COL14A1: variants seen among roughly 807,000 people sequenced by gnomAD.
COL14A1 encodes collagen alpha-1(XIV) chain.
A neutral mutation model predicts 230.3 loss-of-function variants in COL14A1; 136 were observed. The ratio of observed to expected loss-of-function variants is 0.59; its 90% CI spans 0.51 to 0.68. The LOEUF (loss-of-function observed/expected upper bound fraction) is 0.68, where lower values mean the gene tolerates loss of function less well. COL14A1 is among the 30% of genes least tolerant of loss of function. The probability of loss-of-function intolerance (pLI) is 0.00; values close to 1 mark genes in which losing one functional copy is unlikely to be tolerated. For synonymous variants in COL14A1, 792 were observed against 784.1 expected, an observed-to-expected ratio of 1.01 and a Z score of -0.17; for missense variants, 1,976 against 2,215.8, an observed-to-expected ratio of 0.89 and a Z score of 2.17.
chr8:120,304,340 G>A (rs1820798819), intron 36 of COL14A1, among the ~76,000 whole-genome samples: 1 of 152,082 alleles, frequency 6.6e-6, no homozygotes, highest in African/African-American at 2.4e-5. Context: ...ATAGTAGGTT[G>A]TTAATTTGAG....
intron 18 of COL14A1, among the ~76,000 whole-genome samples, chr8:120,230,001 C>T (rs963858734): frequency 1.3e-5 from 2 of 152,162 alleles, no homozygotes; most frequent in Non-Finnish European, 2.9e-5. Context: ...CAGCCTCAGC[C>T]CCCCACGTAG....
Position 120,130,868 on chromosome 8 carries a change from CT to C in COL14A1, c.-38+5536del, listed in dbSNP as rs949146257. 2.5e-3 allele frequency among the ~76,000 whole-genome samples: 375 copies of C among 152,098 alleles called. 2 individuals carry two copies. The highest frequency in any genetic ancestry group is 7.6e-3 in the African/African-American group (315 of 41,518). On this transcript the variant is annotated intron_variant, in intron 1 of 47. Coordinates refer to ENST00000297848, the MANE Select transcript of COL14A1 (RefSeq NM_021110.4). ...AAGGTAGTTCTTCAACCCTCACCCC[CT>C]TTTTTTTCCTTCCCTCGCTATTAGT...
At chr8:120,198,383 T>G (rs1302983345) in intron 7 of COL14A1, among the ~76,000 whole-genome samples, 1 of 152,192 alleles carries the variant, frequency 6.6e-6, no homozygotes, top group Non-Finnish European at 1.5e-5. Context: ...ATCCTCTCTT[T>G]TCATAATAAT....
chr8:120,354,323 A>G (rs1200358995), intron 45 of COL14A1, among the ~76,000 whole-genome samples: 1 of 132,898 alleles, frequency 7.5e-6, no homozygotes, highest in East Asian at 2.2e-4. Context: ...GCGCACCAGC[A>G]TGGCACATGT....
At chr8:120,144,688 C>T (rs2130449696) in intron 1 of COL14A1, among the ~76,000 whole-genome samples, 2 of 152,112 alleles carry the variant, frequency 1.3e-5, no homozygotes, top group African/African-American at 4.8e-5. Context: ...ATGCAGTTGT[C>T]AACTTGGAAA....
chr8:120,250,591 T>C, intron 21 of COL14A1, 26 bp from the exon 22 acceptor site: 5 of 1,612,692 alleles, frequency 3.1e-6, no homozygotes, highest in Non-Finnish European at 4.2e-6. Context: ...TTGTTGTAAC[T>C]AAAATATATC....
chr8:120,232,925 C>G (rs527292400), intron 19 of COL14A1, among the ~76,000 whole-genome samples: 1 of 152,328 alleles, frequency 6.6e-6, no homozygotes, highest in East Asian at 1.9e-4. Context: ...TCTCTAGCAT[C>G]TGTTGTTTCC....
chr8:120,322,156 A>G (rs1433588583), intron 40 of COL14A1, among the ~76,000 whole-genome samples: 1 of 151,874 alleles, frequency 6.6e-6, no homozygotes, highest in Non-Finnish European at 1.5e-5. Context: ...TCTCACTTAT[A>G]AGTGGGAACT....
intron 33 of COL14A1, among the ~76,000 whole-genome samples, chr8:120,287,308 G>A (rs1250005949): frequency 6.6e-6 from 1 of 152,072 alleles, no homozygotes; most frequent in Non-Finnish European, 1.5e-5. Context: ...ATACAGTGGA[G>A]ATTTATTAGT....
rs764085 is a variant in COL14A1, at chr8:120,317,629, C to T, written c.4659+1632C>T. ...AAATGGCAATTCTAAAGATTTAGTT[C>T]GGTGAGTTTATTTATCTGTGCATGA... On this transcript the variant is annotated intron_variant, in intron 40 of 47. Coordinates refer to ENST00000297848, the MANE Select transcript of COL14A1 (RefSeq NM_021110.4). Among the ~76,000 whole-genome samples, 645 of 152,246 alleles carry T rather than the reference C, an allele frequency of 4.2e-3. 6 individuals carry two copies. The highest frequency in any genetic ancestry group is 0.014 in the African/African-American group (601 of 41,558).
At chr8:120,249,154 G>C (rs1328870766) in intron 21 of COL14A1, among the ~76,000 whole-genome samples, 1 of 146,428 alleles carries the variant, frequency 6.8e-6, no homozygotes, top group East Asian at 2.0e-4. Flanking sequence ...TCCTGACCTC[G>C]TGATCCACCC....
In COL14A1 at chr8:120,158,205, G is replaced by T. The variant is rs868262301; in HGVS notation, c.164G>T (p.Gly55Val). Residue 55 changes from glycine (G) to valine (V), a missense_variant, in exon 3 of 48, where the codon GGG (glycine) becomes GTG (valine). Transcript: ENST00000297848. ...SIQISWKAPR[G>V]KFGGYKLLVT... is the part of the protein sequence containing the mutation. ...CAGATTTCATGGAAGGCTCCAAGAG[G>T]GAAATTTGGTGGTTACAAACTTCTT... is the stretch of plus-strand genomic sequence containing the variant. 1 of 1,609,414 alleles carries T rather than the reference G, an allele frequency of 6.2e-7. No individual in the cohort carries two copies. The highest frequency in any genetic ancestry group is 1.3e-5 in the African/African-American group (1 of 74,744).
chr8:120,200,947 C>T (rs953554725), intron 8 of COL14A1, among the ~76,000 whole-genome samples: 1 of 151,232 alleles, frequency 6.6e-6, no homozygotes, highest in Non-Finnish European at 1.5e-5. Flanking sequence ...CAGGTTGTAT[C>T]TTCTTCACTT....
chr8:120,135,540 A>C (rs1814680655), intron 1 of COL14A1, among the ~76,000 whole-genome samples: 1 of 152,208 alleles, frequency 6.6e-6, no homozygotes, highest in South Asian at 2.1e-4. Context: ...GCTGGATTAC[A>C]GGTGTGAGCC....
intron 29 of COL14A1, 105 bp from the exon 30 acceptor site, chr8:120,280,606 C>G: frequency 9.3e-7 from 1 of 1,079,248 alleles, no homozygotes; most frequent in Non-Finnish European, 1.4e-6. Context: ...TCTCCACAAT[C>G]AACTTCTGGA....
chr8:120,289,986 T>C (rs969534415), intron 34 of COL14A1, among the ~76,000 whole-genome samples: 5 of 152,200 alleles, frequency 3.3e-5, no homozygotes, highest in African/African-American at 1.2e-4. Flanking sequence ...TGTGGTAGTA[T>C]GCTTCCACTG....
chr8:120,255,812 T>G (rs1337840644), intron 23 of COL14A1, among the ~76,000 whole-genome samples: 4 of 151,794 alleles, frequency 2.6e-5, no homozygotes, highest in Non-Finnish European at 5.9e-5. Context: ...GGATAATTGG[T>G]GAACAACAAC....
At chr8:120,257,460 G>A (rs755032880) in intron 23 of COL14A1, among the ~76,000 whole-genome samples, 5 of 152,154 alleles carry the variant, frequency 3.3e-5, no homozygotes, top group Non-Finnish European at 2.9e-5. Context: ...GTGAGTGTGG[G>A]GGTGGCAGTA....
intron 19 of COL14A1, among the ~76,000 whole-genome samples, chr8:120,233,081 G>C (rs1335142807): frequency 6.6e-6 from 1 of 152,136 alleles, no homozygotes; most frequent in East Asian, 1.9e-4. Flanking sequence ...GAAAGTGACT[G>C]TTAATATCCT....
Sources: allele counts gnomAD v4.1 joint callset (sites outside exome capture counted in the v4.1 genomes callset), GRCh38; gene constraint gnomAD v4.1.1; transcripts MANE v1.5; gene names NCBI Gene and HGNC (gene_info 2026-07-23, HGNC 2026-07-21).